Variants in HSD17B12 observed in about 807,000 individuals in gnomAD.
HSD17B12 encodes the protein very-long-chain 3-oxoacyl-CoA reductase.
A neutral mutation model predicts 39.3 loss-of-function variants in HSD17B12; 32 were observed. The ratio of observed to expected loss-of-function variants is 0.81; its 90% CI spans 0.61 to 1.09. The LOEUF is 1.09. Ranked by LOEUF, HSD17B12 falls within the 50% of genes least tolerant of loss-of-function variation. The probability of loss-of-function intolerance (pLI) is 0.00; values close to 1 mark genes in which losing one functional copy is unlikely to be tolerated. For synonymous variants in HSD17B12, 150 were observed against 146.7 expected (o/e 1.02, Z -0.16); for missense variants, 342 against 382.9 (o/e 0.89, Z 0.89).
intron 1 of HSD17B12, among the ~76,000 whole-genome samples, chr11:43,712,454 G>T (rs1950076455): frequency 1.3e-5 from 2 of 151,634 alleles, no homozygotes; most frequent in South Asian, 4.2e-4. Flanking sequence ...CAAAAAGCTT[G>T]GTCTCCACAA....
the HSD17B12 span, among the ~76,000 whole-genome samples, chr11:43,601,751 T>C: frequency 3.9e-5 from 6 of 152,202 alleles, no homozygotes; most frequent in African/African-American, 1.4e-4. Context: ...ATACTTCCTC[T>C]GTTTCTTTCA....
At chr11:43,780,275 C>T (rs138715834) in intron 3 of HSD17B12, among the ~76,000 whole-genome samples, 5,814 of 152,276 alleles carry the variant, frequency 0.038, 357 homozygotes, top group African/African-American at 0.13. Context: ...AAGCGATTCT[C>T]CTGCCTCAGC....
chr11:43,687,746 T>C (rs1949815081), intron 1 of HSD17B12, among the ~76,000 whole-genome samples: 1 of 152,028 alleles, frequency 6.6e-6, no homozygotes, highest in Admixed American at 6.6e-5. Flanking sequence ...TGGAAAGCAG[T>C]TGAGGTGATT....
At chr11:43,780,356 C>T (rs551571709) in intron 3 of HSD17B12, among the ~76,000 whole-genome samples, 2 of 152,070 alleles carry the variant, frequency 1.3e-5, no homozygotes, top group South Asian at 2.1e-4. Flanking sequence ...TTAGTACAGA[C>T]GGGGTTTCAC....
the HSD17B12 span, among the ~76,000 whole-genome samples, chr11:43,616,989 A>G: frequency 1.3e-5 from 2 of 151,438 alleles, no homozygotes; most frequent in African/African-American, 2.4e-5. Context: ...AAAAAAAAAA[A>G]AAAGAAAAAG....
intron 5 of HSD17B12, among the ~76,000 whole-genome samples, chr11:43,815,975 T>C (rs1951118828): frequency 6.6e-6 from 1 of 152,202 alleles, no homozygotes; most frequent in Non-Finnish European, 1.5e-5. Flanking sequence ...AAGCATATCA[T>C]TGAAGGACTA....
chr11:43,592,061 A>C, the HSD17B12 span, among the ~76,000 whole-genome samples: 5 of 152,118 alleles, frequency 3.3e-5, no homozygotes, highest in Non-Finnish European at 7.4e-5. Context: ...TTTTAAACTG[A>C]GAGCATTTTT....
At chr11:43,564,456 C>G in the HSD17B12 span, among the ~76,000 whole-genome samples, 1 of 152,196 alleles carries the variant, frequency 6.6e-6, no homozygotes, top group Non-Finnish European at 1.5e-5. Context: ...AGCCACTTCC[C>G]CAAAGCTAGA....
chr11:43,620,798 TCTGAG>T, the HSD17B12 span, among the ~76,000 whole-genome samples: 2 of 152,242 alleles, frequency 1.3e-5, no homozygotes, highest in African/African-American at 4.8e-5. Flanking sequence ...ATTTGTTACC[TCTGAG>T]CTGAGCTGCA....
intron 1 of HSD17B12, among the ~76,000 whole-genome samples, chr11:43,697,540 A>T (rs1320319671): frequency 6.6e-6 from 1 of 152,338 alleles, no homozygotes; most frequent in Non-Finnish European, 1.5e-5. Context: ...AGAGAGGTCA[A>T]GCAGTTTACC....
the HSD17B12 span, among the ~76,000 whole-genome samples, chr11:43,638,022 T>C: frequency 6.6e-6 from 1 of 152,054 alleles, no homozygotes; most frequent in Non-Finnish European, 1.5e-5. Flanking sequence ...AGATTTTCAG[T>C]GAGGGCTTTG....
chr11:43,768,971 A>G (rs562108683), intron 3 of HSD17B12, among the ~76,000 whole-genome samples: 1 of 152,338 alleles, frequency 6.6e-6, no homozygotes, highest in Admixed American at 6.5e-5. Context: ...TCCTCTAGCT[A>G]GACAGAAAAG....
At chr11:43,684,288 A>C (rs1004819362) in intron 1 of HSD17B12, among the ~76,000 whole-genome samples, 2 of 152,242 alleles carry the variant, frequency 1.3e-5, no homozygotes, top group African/African-American at 4.8e-5. Context: ...GATCCTGTGA[A>C]TGTGGAGTTT....
the HSD17B12 span, among the ~76,000 whole-genome samples, chr11:43,598,296 G>A: frequency 6.6e-6 from 1 of 152,104 alleles, no homozygotes; most frequent in South Asian, 2.1e-4. Context: ...GTCTGTTTAT[G>A]TATCATCTTG....
chr11:43,687,570 C>T (rs1308699313), intron 1 of HSD17B12, among the ~76,000 whole-genome samples: 1 of 152,118 alleles, frequency 6.6e-6, no homozygotes, highest in African/African-American at 2.4e-5. Context: ...GAAGAATGTT[C>T]TTGGCAGAAG....
the HSD17B12 span, among the ~76,000 whole-genome samples, chr11:43,651,586 T>C: frequency 2.0e-5 from 3 of 152,010 alleles, no homozygotes; most frequent in African/African-American, 7.2e-5. Flanking sequence ...CATTGGTTGA[T>C]TGATTGATTG....
chr11:43,609,562 G>T, the HSD17B12 span, among the ~76,000 whole-genome samples: 1 of 151,830 alleles, frequency 6.6e-6, no homozygotes, highest in East Asian at 1.9e-4. Context: ...GGGGTGGGGG[G>T]TCTTGTTATG....
At chr11:43,740,253 G>T (rs1950352216) in intron 1 of HSD17B12, among the ~76,000 whole-genome samples, 1 of 152,186 alleles carries the variant, frequency 6.6e-6, no homozygotes, top group Non-Finnish European at 1.5e-5. Flanking sequence ...AAGTCCTTGT[G>T]TTTGGGATGA....
the HSD17B12 span, among the ~76,000 whole-genome samples, chr11:43,585,880 A>G: frequency 6.6e-6 from 1 of 152,208 alleles, no homozygotes. Flanking sequence ...CCTGAAAGGT[A>G]ATCTCTTCTA....
Sources: gnomAD v4.1 joint callset for allele counts (sites outside exome capture counted in the v4.1 genomes callset) on GRCh38, gnomAD v4.1.1 for gene constraint, MANE v1.5 for transcripts, NCBI Gene and HGNC (gene_info 2026-07-23, HGNC 2026-07-21) for gene names.